PDZRN3: variants seen among roughly 807,000 people sequenced by gnomAD.
PDZRN3 encodes E3 ubiquitin-protein ligase PDZRN3.
In PDZRN3, 38 loss-of-function variants were observed where a neutral mutation model predicts 85.7. The observed-to-expected ratio is 0.44, with a 90% CI of 0.34 to 0.58. PDZRN3 has a LOEUF of 0.58. Among genes scored for constraint, PDZRN3 ranks in the 20% least tolerant of loss-of-function variants. PDZRN3 has a pLI of 0.01. For missense variants in PDZRN3, 1,629 were observed against 1,506.4 expected, an observed-to-expected ratio of 1.08 and a Z score of -1.35; for synonymous variants, 759 against 638.0, an observed-to-expected ratio of 1.19 and a Z score of -2.86.
intron 3 of PDZRN3, among the ~76,000 whole-genome samples, chr3:73,502,336 G>C (rs1703995258): frequency 6.6e-6 from 1 of 152,182 alleles, no homozygotes; most frequent in Non-Finnish European, 1.5e-5. Context: ...CAGTCAAAAT[G>C]ATAGGTTTTT....
intron 3 of PDZRN3, among the ~76,000 whole-genome samples, chr3:73,515,428 G>C (rs867885074): frequency 2.0e-5 from 3 of 151,874 alleles, no homozygotes; most frequent in Non-Finnish European, 4.4e-5. Flanking sequence ...TGCCTGCCTC[G>C]GCCTCCCAAA....
intron 3 of PDZRN3, among the ~76,000 whole-genome samples, chr3:73,573,758 C>G (rs2106855041): frequency 6.6e-6 from 1 of 152,198 alleles, no homozygotes; most frequent in South Asian, 2.1e-4. Flanking sequence ...TAGCCACACA[C>G]ACAAATACAT....
At chr3:73,493,530 A>G (rs1044751682) in intron 3 of PDZRN3, among the ~76,000 whole-genome samples, 1 of 152,128 alleles carries the variant, frequency 6.6e-6, no homozygotes, top group African/African-American at 2.4e-5. Flanking sequence ...ATAAGCACTC[A>G]TGGAAAATCA....
At chr3:73,507,363 G>A (rs544647823) in intron 3 of PDZRN3, among the ~76,000 whole-genome samples, 3 of 152,254 alleles carry the variant, frequency 2.0e-5, no homozygotes, top group African/African-American at 4.8e-5. Context: ...TAGAGATGGG[G>A]TTTCACCATG....
At chr3:73,621,431 TGA>T (rs1559760633) in intron 1 of PDZRN3, among the ~76,000 whole-genome samples, 1 of 152,170 alleles carries the variant, frequency 6.6e-6, no homozygotes, top group Non-Finnish European at 1.5e-5. Flanking sequence ...ATGTTGCACA[TGA>T]GAGTTTCCAG....
Position 73,383,063 on chromosome 3 carries a change from T to G in PDZRN3, c.*302A>C, listed in dbSNP as rs573844301. 6.6e-5 allele frequency: 18 copies of G among 271,018 alleles called. No homozygotes were observed. In the East Asian group the frequency reaches 1.2e-3, roughly 19 times the overall value. 16.8% of individuals were successfully genotyped at this position (271,018 alleles called of 1,614,324 possible). On this transcript the variant is annotated 3_prime_UTR_variant, in exon 10 of 10. Coordinates refer to ENST00000263666, the MANE Select transcript of PDZRN3 (RefSeq NM_015009.3). ...AACAAGTTATTCTGTGAAAGTATGC[T>G]TAATAAAAGATCTTTCTGAAATTTA...
chr3:73,472,390 C>G (rs1703361827), intron 3 of PDZRN3, among the ~76,000 whole-genome samples: 1 of 152,198 alleles, frequency 6.6e-6, no homozygotes, highest in Non-Finnish European at 1.5e-5. Context: ...GGCTCAGGGA[C>G]ACGTTGCTGG....
chr3:73,467,628 C>T (rs1460149592), intron 3 of PDZRN3, among the ~76,000 whole-genome samples: 1 of 152,102 alleles, frequency 6.6e-6, no homozygotes, highest in African/African-American at 2.4e-5. Flanking sequence ...ACATCTTTTG[C>T]GCCTTGCTAA....
chr3:73,602,133 T>C (rs1702524456), intron 3 of PDZRN3, among the ~76,000 whole-genome samples: 1 of 152,148 alleles, frequency 6.6e-6, no homozygotes. Context: ...AAAGCCAAAT[T>C]GTGAACATTC....
rs749941575 is a variant in PDZRN3, at chr3:73,624,644, G to A, written c.182C>T (p.Ser61Leu). The change falls in exon 1 of 10, where the codon TCG (serine) becomes TTG (leucine). Residue 61 changes from serine to leucine, a missense_variant. Transcript: ENST00000263666. ...SCPARCRGRLSAKELNHVLPL... is the reference protein window; with the variant it reads ...SCPARCRGRLLAKELNHVLPL... ...CAGGACGTGGTTGAGCTCTTTGGCC[G>A]ACAGGCGACCGCGGCAGCGCGCCGG... 3.9e-6 allele frequency: 6 copies of A among 1,548,578 alleles called. No homozygotes were observed. The highest frequency in any genetic ancestry group is 1.4e-5 in the African/African-American group (1 of 70,770).
intron 3 of PDZRN3, among the ~76,000 whole-genome samples, chr3:73,579,302 C>G (rs1337449002): frequency 6.6e-6 from 1 of 152,156 alleles, no homozygotes; most frequent in Non-Finnish European, 1.5e-5. Context: ...GAACTATGAA[C>G]AGTGAATTTC....
intron 3 of PDZRN3, among the ~76,000 whole-genome samples, chr3:73,470,685 G>A (rs2106884439): frequency 6.6e-6 from 1 of 152,320 alleles, no homozygotes; most frequent in South Asian, 2.1e-4. Flanking sequence ...ATACAGAGAA[G>A]CCAGCCACAG....
intron 3 of PDZRN3, among the ~76,000 whole-genome samples, chr3:73,422,607 T>C (rs62246073): frequency 0.041 from 6,293 of 152,258 alleles, 180 homozygotes; most frequent in Non-Finnish European, 0.063. Flanking sequence ...TAACCATGGT[T>C]GGATATGGAG....
intron 3 of PDZRN3, among the ~76,000 whole-genome samples, chr3:73,447,057 A>ATATG (rs56038828): frequency 6.9e-6 from 1 of 144,948 alleles, no homozygotes; most frequent in Non-Finnish European, 1.5e-5. Flanking sequence ...ATATATATAT[A>ATATG]AAGAATTGCA....
intron 3 of PDZRN3, among the ~76,000 whole-genome samples, chr3:73,460,863 G>A (rs974742076): frequency 6.6e-5 from 10 of 151,790 alleles, no homozygotes; most frequent in Admixed American, 6.6e-5. Flanking sequence ...GCACAATCTC[G>A]GCTCACTGCA....
At chr3:73,623,707 T>G (rs997189924) in intron 1 of PDZRN3, 1 of 168,164 alleles carries the variant, frequency 5.9e-6, no homozygotes, top group Non-Finnish European at 1.3e-5. Context: ...AGTGTCAGTC[T>G]ATAGGTTTCT....
intron 5 of PDZRN3, among the ~76,000 whole-genome samples, chr3:73,398,328 C>T (rs895977987): frequency 3.3e-5 from 5 of 152,178 alleles, no homozygotes; most frequent in Admixed American, 6.5e-5. Context: ...ACAAAAGCCT[C>T]GCTGGTGTGA....
At chr3:73,495,570 T>G (rs1234503020) in intron 3 of PDZRN3, among the ~76,000 whole-genome samples, 1 of 152,256 alleles carries the variant, frequency 6.6e-6, no homozygotes, top group East Asian at 1.9e-4. Context: ...TTCTATACTT[T>G]ATTTAATTAT....
intron 3 of PDZRN3, among the ~76,000 whole-genome samples, chr3:73,484,151 G>A (rs779240367): frequency 2.0e-5 from 3 of 152,144 alleles, no homozygotes; most frequent in Non-Finnish European, 4.4e-5. Flanking sequence ...TTGACAGCGG[G>A]TGTGTGAGAA....
Sources: gnomAD v4.1 joint callset for allele counts (sites outside exome capture counted in the v4.1 genomes callset) on GRCh38, gnomAD v4.1.1 for gene constraint, MANE v1.5 for transcripts, NCBI Gene and HGNC (gene_info 2026-07-23, HGNC 2026-07-21) for gene names.